Variants in MITF observed in about 807,000 individuals in gnomAD.
MITF encodes the protein microphthalmia-associated transcription factor.
Under a neutral mutation model 60.5 loss-of-function variants are expected in MITF, and 17 were observed. The observed-to-expected ratio is 0.28, with a 90% CI of 0.19 to 0.42. The LOEUF (loss-of-function observed/expected upper bound fraction) is 0.42, where lower values mean the gene tolerates loss of function less well. MITF is among the 10% of genes least tolerant of loss of function. The pLI, the probability that MITF is intolerant of heterozygous loss-of-function variation, is 1.00. For missense variants in MITF, 622 were observed against 683.5 expected, an observed-to-expected ratio of 0.91 and a Z score of 1.00; for synonymous variants, 260 against 248.5, an observed-to-expected ratio of 1.05 and a Z score of -0.43.
chr3:69,825,989 T>G (rs2063348007), intron 1 of MITF, among the ~76,000 whole-genome samples: 1 of 152,230 alleles, frequency 6.6e-6, no homozygotes, highest in Non-Finnish European at 1.5e-5. Flanking sequence ...TAGTCCACAT[T>G]AAAAGAATAG....
intron 2 of MITF, among the ~76,000 whole-genome samples, chr3:69,928,711 TC>T (rs34921870): frequency 4.6e-5 from 7 of 152,154 alleles, no homozygotes; most frequent in Non-Finnish European, 1.0e-4. Context: ...GGTTGAAAAC[TC>T]CCAATTTTTC....
intron 7 of MITF, among the ~76,000 whole-genome samples, chr3:69,955,918 G>A (rs2066386534): frequency 6.6e-6 from 1 of 152,138 alleles, no homozygotes; most frequent in Non-Finnish European, 1.5e-5. Flanking sequence ...GATTTGCCTT[G>A]CAAAAAATTG....
intron 1 of MITF, among the ~76,000 whole-genome samples, chr3:69,855,863 T>G (rs759590540): frequency 4.6e-5 from 7 of 152,342 alleles, no homozygotes; most frequent in Non-Finnish European, 8.8e-5. Flanking sequence ...GCCTTGATTT[T>G]TTTTGTTTTG....
At chr3:69,961,339 G>T (rs182538161) in intron 9 of MITF, among the ~76,000 whole-genome samples, 1 of 150,530 alleles carries the variant, frequency 6.6e-6, no homozygotes, top group African/African-American at 2.5e-5. Flanking sequence ...CCAAGATCGC[G>T]CCACTGCATT....
intron 1 of MITF, among the ~76,000 whole-genome samples, chr3:69,826,699 T>G (rs1210489105): frequency 6.6e-6 from 1 of 152,146 alleles, no homozygotes; most frequent in African/African-American, 2.4e-5. Flanking sequence ...TGTGCAGGGT[T>G]TGGGAAATAA....
intron 1 of MITF, among the ~76,000 whole-genome samples, chr3:69,836,145 C>T (rs560021211): frequency 3.0e-4 from 45 of 152,124 alleles, no homozygotes; most frequent in African/African-American, 1.1e-3. Context: ...TCTTCAATTT[C>T]TTTCTTCCTT....
At chr3:69,790,753 C>T (rs1211848356) in intron 1 of MITF, among the ~76,000 whole-genome samples, 1 of 152,298 alleles carries the variant, frequency 6.6e-6, no homozygotes, top group South Asian at 2.1e-4. Flanking sequence ...AGTCCCTAGT[C>T]TGTCCAATCA....
At chr3:69,883,195 T>C (rs1306631369) in intron 2 of MITF, among the ~76,000 whole-genome samples, 1 of 152,190 alleles carries the variant, frequency 6.6e-6, no homozygotes, top group Non-Finnish European at 1.5e-5. Context: ...AAATTTTCCC[T>C]TTTCTCCAAA....
At chr3:69,847,790 C>A (rs2063757149) in intron 1 of MITF, among the ~76,000 whole-genome samples, 1 of 152,196 alleles carries the variant, frequency 6.6e-6, no homozygotes, top group Admixed American at 6.5e-5. Flanking sequence ...TGCCATGTTT[C>A]ATTTCTTGAG....
intron 1 of MITF, among the ~76,000 whole-genome samples, chr3:69,799,087 G>T (rs964125263): frequency 2.0e-5 from 3 of 152,310 alleles, no homozygotes; most frequent in African/African-American, 7.2e-5. Flanking sequence ...ACACTCATTT[G>T]TTGAGGGAGT....
At chr3:69,809,673 A>G (rs1457084196) in intron 1 of MITF, among the ~76,000 whole-genome samples, 1 of 150,564 alleles carries the variant, frequency 6.6e-6, no homozygotes, top group African/African-American at 2.4e-5. Context: ...CGTATAACAT[A>G]GCATCAGGCT....
intron 1 of MITF, among the ~76,000 whole-genome samples, chr3:69,810,683 A>G (rs999597557): frequency 2.4e-4 from 36 of 152,138 alleles, no homozygotes; most frequent in Non-Finnish European, 2.6e-4. Context: ...AGGAAATAAT[A>G]ATGCCTACCT....
intron 1 of MITF, among the ~76,000 whole-genome samples, chr3:69,831,451 T>C (rs9823839): frequency 0.33 from 50,662 of 152,154 alleles, 9,544 homozygotes; most frequent in Non-Finnish European, 0.43. Flanking sequence ...GCTGTGATGT[T>C]GGTTGTCACT....
chr3:69,739,870 G>A (rs777824460), intron 1 of MITF, among the ~76,000 whole-genome samples, 169 bp downstream of exon 1: 3 of 152,086 alleles, frequency 2.0e-5, no homozygotes, highest in Non-Finnish European at 4.4e-5. Context: ...CGCCTGCCCG[G>A]CCCAAGTGCG....
chr3:69,909,716 G>T (rs1245598378), intron 2 of MITF, among the ~76,000 whole-genome samples: 1 of 152,178 alleles, frequency 6.6e-6, no homozygotes, highest in Non-Finnish European at 1.5e-5. Flanking sequence ...GAGATTTGTG[G>T]AACTTTGAAA....
intron 2 of MITF, among the ~76,000 whole-genome samples, chr3:69,886,218 A>G (rs1202962870): frequency 6.6e-6 from 1 of 152,152 alleles, no homozygotes; most frequent in Non-Finnish European, 1.5e-5. Context: ...CAGAGCTTCA[A>G]TCCATAGCTT....
rs76975309 is a variant in MITF, at chr3:69,808,535, A to G, written c.104+68834A>G. On this transcript the variant is annotated intron_variant, in intron 1 of 9. Transcript: ENST00000352241. Reference sequence around the variant, plus strand: ...TATAGTAAGAGGAGTTGATCTGGTCATGGGTTAGGGAAGGCCTCCCTAGGG... The same window carrying G: ...TATAGTAAGAGGAGTTGATCTGGTCGTGGGTTAGGGAAGGCCTCCCTAGGG... Among the ~76,000 whole-genome samples the G allele has an allele frequency of 1.6e-3, 247 of 152,256 alleles. 1 individual carries two copies. The highest frequency in any genetic ancestry group is 3.1e-3 in the South Asian group (15 of 4,824).
At chr3:69,876,423 C>T (rs567913041) in intron 1 of MITF, among the ~76,000 whole-genome samples, 4 of 152,032 alleles carry the variant, frequency 2.6e-5, no homozygotes, top group African/African-American at 4.8e-5. Context: ...CGCTTCCCCC[C>T]GCCACCCGCC....
At chr3:69,948,954 T>G in intron 5 of MITF, 97 bp from the exon 6 acceptor site, 1 of 876,618 alleles carries the variant, frequency 1.1e-6, no homozygotes, top group Non-Finnish European at 1.9e-6. Flanking sequence ...TCAAATAATT[T>G]TTCTTAAATA....
Sources: gnomAD v4.1 joint callset for allele counts (sites outside exome capture counted in the v4.1 genomes callset) on GRCh38, gnomAD v4.1.1 for gene constraint, MANE v1.5 for transcripts, NCBI Gene and HGNC (gene_info 2026-07-23, HGNC 2026-07-21) for gene names.